The following SPIDR variants were observed in gnomAD, a reference collection of about 807,000 sequenced individuals.
SPIDR encodes the protein scaffold protein involved in DNA repair.
SPIDR carries 93 observed loss-of-function variants against 104.6 expected under a neutral mutation model. That is an observed-to-expected ratio of 0.89 (90% confidence interval 0.75 to 1.06). SPIDR has a LOEUF of 1.06. Ranked by LOEUF, SPIDR falls within the 50% of genes least tolerant of loss-of-function variation. The pLI is 0.00. For synonymous variants in SPIDR, 431 were observed against 416.9 expected (o/e 1.03, Z -0.41); for missense variants, 1,154 against 1,111.2 (o/e 1.04, Z -0.55).
chr8:47,298,722 A>G (rs1326796876), intron 5 of SPIDR, among the ~76,000 whole-genome samples: 1 of 152,172 alleles, frequency 6.6e-6, no homozygotes, highest in East Asian at 1.9e-4. Flanking sequence ...TCCTTTCCCC[A>G]TTTCTTGTTT....
At chr8:47,405,320 GTGTA>G (rs1346951419) in intron 6 of SPIDR, among the ~76,000 whole-genome samples, 20 of 151,306 alleles carry the variant, frequency 1.3e-4, no homozygotes, top group South Asian at 2.1e-4. Flanking sequence ...GTGTGTGTGT[GTGTA>G]TATATGTGTG....
intron 5 of SPIDR, among the ~76,000 whole-genome samples, chr8:47,387,219 G>A (rs1419546003): frequency 6.6e-6 from 1 of 152,230 alleles, no homozygotes; most frequent in African/African-American, 2.4e-5. Context: ...GGGGAGCAGC[G>A]AGGAGGCAGA....
At chr8:47,417,764 A>G (rs1462014974) in intron 7 of SPIDR, among the ~76,000 whole-genome samples, 1 of 152,168 alleles carries the variant, frequency 6.6e-6, no homozygotes, top group Non-Finnish European at 1.5e-5. Context: ...TAGGTCTAAC[A>G]TGTAAGTCTT....
intron 8 of SPIDR, among the ~76,000 whole-genome samples, chr8:47,563,037 C>CTTT (rs75347314): frequency 1.2e-4 from 16 of 134,868 alleles, no homozygotes; most frequent in African/African-American, 2.4e-4. Context: ...ACTCTTTTCT[C>CTTT]TTTTTTTTTT....
chr8:47,511,528 T>C, intron 8 of SPIDR: 1 of 781,586 alleles, frequency 1.3e-6, no homozygotes. Flanking sequence ...AAACTGGGCA[T>C]CGGATGGGTC....
chr8:47,299,066 T>C (rs1378331146), intron 5 of SPIDR, among the ~76,000 whole-genome samples: 3 of 150,220 alleles, frequency 2.0e-5, no homozygotes, highest in Non-Finnish European at 3.0e-5. Flanking sequence ...TTTCACGATA[T>C]TGACTCTTCC....
chr8:47,306,545 C>G (rs1586687731), intron 5 of SPIDR, among the ~76,000 whole-genome samples: 1 of 152,144 alleles, frequency 6.6e-6, no homozygotes, highest in Non-Finnish European at 1.5e-5. Context: ...GGAAAATGTT[C>G]TATATTCACT....
Position 47,735,804 on chromosome 8 carries a change from CAT to C in SPIDR, c.*355_*356del. 4.4e-6 allele frequency: 2 copies of C among 453,926 alleles called. No individual in the cohort carries two copies. Among genetic ancestry groups the C allele is most frequent in the Admixed American group, 4.1e-5 (1 of 24,564 alleles). The allele number at this position is 453,926 out of a possible 1,614,324, so 28.1% of individuals were successfully genotyped here. ...AGTTGAACATTTTACCATGATTGAA[CAT>C]GTTTTTATTACAGTATTTAACATTC... is the stretch of plus-strand genomic sequence containing the variant. On this transcript the variant is annotated 3_prime_UTR_variant, in exon 20 of 20. Coordinates refer to ENST00000297423, the MANE Select transcript of SPIDR (RefSeq NM_001080394.4).
At chr8:47,297,880 C>T (rs900301772) in intron 5 of SPIDR, among the ~76,000 whole-genome samples, 2 of 152,110 alleles carry the variant, frequency 1.3e-5, no homozygotes, top group Non-Finnish European at 2.9e-5. Context: ...GGGTTGCTTC[C>T]AAGTCTTTGC....
At chr8:47,293,743 T>G (rs1208917640) in intron 4 of SPIDR, 124 bp from the exon 5 acceptor site, 3 of 1,086,152 alleles carry the variant, frequency 2.8e-6, no homozygotes, top group Non-Finnish European at 3.8e-6. Context: ...CTATTGTGCC[T>G]GGCCCTAAAT....
intron 5 of SPIDR, among the ~76,000 whole-genome samples, chr8:47,365,697 A>G (rs1395140466): frequency 6.6e-6 from 1 of 152,206 alleles, no homozygotes; most frequent in Non-Finnish European, 1.5e-5. Context: ...TGAAACATGA[A>G]ATAAATGTAC....
chr8:47,265,944 T>A (rs549293278), intron 1 of SPIDR, among the ~76,000 whole-genome samples: 41 of 151,472 alleles, frequency 2.7e-4, no homozygotes, highest in African/African-American at 9.4e-4. Context: ...ATCCCGTAAC[T>A]TCTAATCACC....
chr8:47,273,851 C>T (rs1277739081), intron 1 of SPIDR, among the ~76,000 whole-genome samples: 1 of 152,178 alleles, frequency 6.6e-6, no homozygotes, highest in African/African-American at 2.4e-5. Flanking sequence ...CTCGACCTCC[C>T]TAAGTGTTGG....
chr8:47,358,764 G>T (rs782279313), intron 5 of SPIDR, among the ~76,000 whole-genome samples: 21 of 152,142 alleles, frequency 1.4e-4, no homozygotes, highest in Non-Finnish European at 2.8e-4. Context: ...AACATTTTAT[G>T]TCCATTTTCT....
At position 47,617,754 on chromosome 8, in the gene SPIDR, T is replaced by C. The variant is rs370361729; in HGVS notation, c.1544+18558T>C. Among the ~76,000 whole-genome samples, 4 of 152,242 alleles carry C rather than the reference T, an allele frequency of 2.6e-5. No homozygotes were observed. The East Asian group carries it at 7.7e-4, about 29-fold the overall frequency. On this transcript the variant is annotated intron_variant, in intron 10 of 19. Coordinates refer to ENST00000297423, the MANE Select transcript of SPIDR (RefSeq NM_001080394.4). ...TCCTGTCCTAAAATATCTGTATGAA[T>C]AAAAGCCACCTCCATAATAAGTTTT... is the stretch of plus-strand genomic sequence containing the variant.
At chr8:47,655,039 C>G (rs2072474087) in intron 10 of SPIDR, among the ~76,000 whole-genome samples, 2 of 152,140 alleles carry the variant, frequency 1.3e-5, no homozygotes, top group Admixed American at 1.3e-4. Context: ...ATCCATGTCC[C>G]TACAAAGGAC....
chr8:47,732,311 C>T (rs2085382290), intron 19 of SPIDR: 13 of 660,568 alleles, frequency 2.0e-5, no homozygotes, highest in South Asian at 6.7e-5. Flanking sequence ...CACATTTATG[C>T]AGTATGTGTG....
intron 10 of SPIDR, among the ~76,000 whole-genome samples, chr8:47,648,705 G>C (rs997956403): frequency 6.6e-6 from 1 of 152,144 alleles, no homozygotes; most frequent in Non-Finnish European, 1.5e-5. Context: ...TGTTATGTTA[G>C]AAAGTAAGAA....
chr8:47,306,671 A>G (rs1159133340), intron 5 of SPIDR, among the ~76,000 whole-genome samples: 1 of 152,062 alleles, frequency 6.6e-6, no homozygotes, highest in Admixed American at 6.6e-5. Flanking sequence ...TGGTTATTCT[A>G]TCCACTATTG....
Sources: allele counts gnomAD v4.1 joint callset (sites outside exome capture counted in the v4.1 genomes callset), GRCh38; gene constraint gnomAD v4.1.1; transcripts MANE v1.5; gene names NCBI Gene and HGNC (gene_info 2026-07-23, HGNC 2026-07-21).